CAMSAP1: variants seen among roughly 807,000 people sequenced by gnomAD.
CAMSAP1 encodes the protein calmodulin regulated spectrin associated protein 1.
CAMSAP1 carries 58 observed loss-of-function variants against 143.5 expected under a neutral mutation model. The observed-to-expected ratio is 0.40, with a 90% CI of 0.33 to 0.50. The LOEUF (loss-of-function observed/expected upper bound fraction) is 0.50. CAMSAP1 is among the 20% of genes least tolerant of loss of function. The pLI, the probability that CAMSAP1 is intolerant of heterozygous loss-of-function variation, is 0.45. For synonymous variants in CAMSAP1, 945 were observed against 859.3 expected (o/e 1.10, Z -1.74); for missense variants, 1,969 against 2,115.7 (o/e 0.93, Z 1.36).
At position 135,827,476 on chromosome 9, in the gene CAMSAP1, T is replaced by A; in HGVS notation, c.1154A>T (p.Gln385Leu). 1.2e-6 allele frequency: 2 copies of A among 1,611,254 alleles called. No homozygotes were observed. Among genetic ancestry groups the A allele is most frequent in the Non-Finnish European group, 1.7e-6 (2 of 1,177,646 alleles). The change falls in exon 8 of 17, where the codon CAG becomes CTG. Residue 385 changes from glutamine to leucine, a missense_variant. Around this residue, in one of 4 missense-constraint regions of CAMSAP1, gnomAD observed 1,390 missense variants for 1,420.8 expected, o/e 0.98. Transcript: ENST00000389532. ...TTCCGCCGGCAGCTGCACGGGGGGC[T>A]GCAGCTCAGCCAGGGTCCCTGCAGC... ...SPAAGTLAEL[Q>L]PPVQLPAEGC... is the part of the protein sequence containing the mutation.
chr9:135,811,199 C>A lies in CAMSAP1; in HGVS notation c.*110G>T. 7.8e-7 allele frequency: 1 copy of A among 1,277,866 alleles called. No homozygotes were observed. The highest frequency in any genetic ancestry group is 1.1e-6 in the Non-Finnish European group (1 of 935,122). The allele number at this position is 1,277,866 out of a possible 1,614,324, so 79.2% of individuals were successfully genotyped here. ...GTCTGTGACTTTGCACACTTCGTAC[C>A]CAAATAGATGAAAACAATAAATAAG... is the stretch of plus-strand genomic sequence containing the variant. On this transcript the variant is annotated 3_prime_UTR_variant, in exon 17 of 17. Coordinates refer to ENST00000389532, the MANE Select transcript of CAMSAP1 (RefSeq NM_015447.4). This position sits in a 1 kb window ranked among gnomAD's most constrained non-coding sequence, Gnocchi z 4.9.
rs377308361 is a variant in CAMSAP1, at chr9:135,811,260, G to T, written c.*49C>A. On this transcript the variant is annotated 3_prime_UTR_variant, in exon 17 of 17. Coordinates refer to ENST00000389532, the MANE Select transcript of CAMSAP1 (RefSeq NM_015447.4). The surrounding 1 kb of genome is among the most constrained non-coding windows in gnomAD (Gnocchi z 4.9). Reference sequence around the variant, plus strand: ...CACCCTCTGGATGCCAGCCACAAGGGCATCATTTACGAGTCTGGGTCACCC... The same window carrying T: ...CACCCTCTGGATGCCAGCCACAAGGTCATCATTTACGAGTCTGGGTCACCC... 2 of 1,573,444 alleles carry T rather than the reference G, an allele frequency of 1.3e-6. No homozygotes were observed. The highest frequency in any genetic ancestry group is 1.7e-6 in the Non-Finnish European group (2 of 1,156,368).
intron 1 of CAMSAP1, among the ~76,000 whole-genome samples, chr9:135,888,832 C>T (rs543114215): frequency 6.6e-6 from 1 of 152,356 alleles, no homozygotes; most frequent in South Asian, 2.1e-4. Flanking sequence ...TAATGGTCCC[C>T]ACAGGGCCAA....
chr9:135,819,066 G>A lies in CAMSAP1; in HGVS notation c.3903C>T (p.Ala1301=). The change falls in exon 12 of 17, where the codon GCC becomes GCT. Residue 1301 remains alanine, a synonymous_variant. Coordinates refer to ENST00000389532, the MANE Select transcript of CAMSAP1 (RefSeq NM_015447.4). Reference sequence around the variant, plus strand: ...CTTCCAGCTGCTGCTTGCGCACGCGGGCCTCCTCGGCCTTGCGCTGCTGCT... The same window carrying A: ...CTTCCAGCTGCTGCTTGCGCACGCGAGCCTCCTCGGCCTTGCGCTGCTGCT... ...LLKQQRKAEE[A]RVRKQQLEAE... is the part of the protein sequence containing the mutation. The A allele has an allele frequency of 6.2e-7, 1 of 1,604,874 alleles. No homozygotes were observed. The highest frequency in any genetic ancestry group is 8.5e-7 in the Non-Finnish European group (1 of 1,177,480).
chr9:135,847,430 C>T (rs1192642290), intron 7 of CAMSAP1, among the ~76,000 whole-genome samples: 1 of 152,030 alleles, frequency 6.6e-6, no homozygotes, highest in Non-Finnish European at 1.5e-5. Context: ...TACTGCAGCA[C>T]TATTCACAAT....
intron 1 of CAMSAP1, among the ~76,000 whole-genome samples, chr9:135,905,176 C>A (rs993210950): frequency 5.9e-5 from 9 of 152,302 alleles, no homozygotes; most frequent in Non-Finnish European, 1.2e-4. Flanking sequence ...ATTGTGAATT[C>A]ATCATCCGAT....
rs1396258740 is a variant in CAMSAP1, at chr9:135,810,225, A to C, written c.*1084T>G. Reference sequence around the variant, plus strand: ...TTGGAGTTCTGAAATAACTGCAAATAACCACTTAATTGTTTTTAAATAGGC... The same window carrying C: ...TTGGAGTTCTGAAATAACTGCAAATCACCACTTAATTGTTTTTAAATAGGC... On this transcript the variant is annotated 3_prime_UTR_variant, in exon 17 of 17. Coordinates refer to ENST00000389532, the MANE Select transcript of CAMSAP1 (RefSeq NM_015447.4). 1 of 152,290 alleles carries C rather than the reference A, an allele frequency of 6.6e-6. No individual in the cohort carries two copies. The highest frequency in any genetic ancestry group is 2.4e-5 in the African/African-American group (1 of 41,462). 9.4% of individuals were successfully genotyped at this position (152,290 alleles called of 1,614,324 possible). A position where few individuals can be genotyped will look rare whatever the true frequency, so the allele number is the denominator to read the frequency against.
At chr9:135,830,938 AG>A (rs1220615728) in intron 7 of CAMSAP1, among the ~76,000 whole-genome samples, 1 of 152,176 alleles carries the variant, frequency 6.6e-6, no homozygotes, top group Non-Finnish European at 1.5e-5. Context: ...TGGGAGGCTG[AG>A]GGGGGCAGAT....
In CAMSAP1 at chr9:135,824,211, T is replaced by C. The variant is rs1006832974; in HGVS notation, c.1316-177A>G. Among the ~76,000 whole-genome samples the C allele has an allele frequency of 2.0e-5, 3 of 152,314 alleles. No homozygotes were observed. The highest frequency in any genetic ancestry group is 2.0e-4 in the Admixed American group (3 of 15,292). ...CCCACATTTTGATGGTAACACACAGTTCAGAACTGTGAGAGAGCTTCAGCA... is the reference window on the plus strand; with the variant it reads ...CCCACATTTTGATGGTAACACACAGCTCAGAACTGTGAGAGAGCTTCAGCA... On this transcript the variant is annotated intron_variant, in intron 9 of 16. Transcript: ENST00000389532. The surrounding 1 kb of genome is among the most constrained non-coding windows in gnomAD (Gnocchi z 4.1).
At position 135,893,463 on chromosome 9, in the gene CAMSAP1, G is replaced by A. The variant is rs559870495; in HGVS notation, c.161-10385C>T. Among the ~76,000 whole-genome samples the A allele has an allele frequency of 2.6e-5, 4 of 152,228 alleles. No individual in the cohort carries two copies. In the South Asian group the frequency reaches 8.3e-4, roughly 32 times the overall value. On this transcript the variant is annotated intron_variant, in intron 1 of 16. Transcript: ENST00000389532. ...AAAACAAAAGAAAGGTTGTAGAACA[G>A]AAAAACATAGTAACTAAATTTAACT...
intron 7 of CAMSAP1, among the ~76,000 whole-genome samples, chr9:135,829,637 C>T (rs1835787872): frequency 2.0e-5 from 3 of 152,020 alleles, no homozygotes; most frequent in Admixed American, 2.0e-4. Context: ...GTGGATCACC[C>T]GAGGTTGGGA....
intron 5 of CAMSAP1, among the ~76,000 whole-genome samples, chr9:135,856,026 T>C (rs766741092): frequency 6.6e-6 from 1 of 152,158 alleles, no homozygotes; most frequent in Non-Finnish European, 1.5e-5. Context: ...CACTCCAGCA[T>C]AGGCAAGAGA....
In CAMSAP1 at chr9:135,821,396, T is replaced by C. The variant is rs1168915364; in HGVS notation, c.3265A>G (p.Lys1089Glu). ...CGGCCTTGACCCAGCCGGGGGGCTT[T>C]GCGGTGGCCAGCCACGCCCGTGGGA... ...LSPTGVAGHR[K>E]APRLGQGRNS... The change falls in exon 11 of 17, where the codon AAA becomes GAA. Residue 1089 changes from lysine (K) to glutamate (E), a missense_variant. Coordinates refer to ENST00000389532, the MANE Select transcript of CAMSAP1 (RefSeq NM_015447.4). The surrounding 1 kb of genome is among the most constrained non-coding windows in gnomAD (Gnocchi z 4.6). The C allele has an allele frequency of 6.2e-7, 1 of 1,613,918 alleles. No homozygotes were observed. The highest frequency in any genetic ancestry group is 8.5e-7 in the Non-Finnish European group (1 of 1,179,840).
chr9:135,883,533 C>G (rs759755752), intron 1 of CAMSAP1, among the ~76,000 whole-genome samples: 4 of 152,092 alleles, frequency 2.6e-5, no homozygotes, highest in Non-Finnish European at 5.9e-5. Flanking sequence ...GGCATCAGCC[C>G]GGGGAGGGAG....
At chr9:135,853,373 C>T (rs961332322) in intron 5 of CAMSAP1, among the ~76,000 whole-genome samples, 3 of 152,170 alleles carry the variant, frequency 2.0e-5, no homozygotes, top group African/African-American at 7.2e-5. Context: ...TGTGTGCCAA[C>T]GTTAGCTTTC....
intron 3 of CAMSAP1, among the ~76,000 whole-genome samples, chr9:135,875,248 C>T (rs547561764): frequency 1.6e-3 from 244 of 148,450 alleles, no homozygotes; most frequent in African/African-American, 5.5e-3. Flanking sequence ...TTACTCTTGT[C>T]GCCCAGGCTG....
intron 7 of CAMSAP1, among the ~76,000 whole-genome samples, chr9:135,847,946 T>TGGGGGGAGGGGGGCAGGGAAGGGGAAGG (rs1564437967): frequency 1.9e-3 from 2 of 1,078 alleles, no homozygotes; most frequent in African/African-American, 3.7e-3. Flanking sequence ...GAGATGGGAG[T>TGGGGGGAGGGGGGCAGGGAAGGGGAAGG]GGGGGGGGAG....
intron 4 of CAMSAP1, 67 bp from the exon 5 acceptor site, chr9:135,862,675 C>CA: frequency 6.8e-7 from 1 of 1,478,254 alleles, no homozygotes; most frequent in Non-Finnish European, 9.2e-7. Flanking sequence ...ATGTTACAGG[C>CA]ACACTGTTAG....
Position 135,850,254 on chromosome 9 carries a change from A to G in CAMSAP1, c.949-21T>C, listed in dbSNP as rs374955607. 3.7e-4 allele frequency: 597 copies of G among 1,612,780 alleles called. 1 individual carries two copies. Among genetic ancestry groups the G allele is most frequent in the Admixed American group, 7.0e-4 (42 of 59,710 alleles). On this transcript the variant is annotated intron_variant, in intron 6 of 16. Coordinates refer to ENST00000389532, the MANE Select transcript of CAMSAP1 (RefSeq NM_015447.4). ...TTCGGCTAAAAGACAAAAACAAAAA[A>G]CCAAAGTATGATAAGCAGTTTATTC...
Sources: allele counts gnomAD v4.1 joint callset (sites outside exome capture counted in the v4.1 genomes callset), GRCh38; gene constraint gnomAD v4.1.1; regional missense constraint gnomAD v4.1.1; non-coding constraint Gnocchi (gnomAD v3.1); transcripts MANE v1.5; gene names NCBI Gene and HGNC (gene_info 2026-07-23, HGNC 2026-07-21).